BMP5: variants seen among roughly 807,000 people sequenced by gnomAD.
BMP5 encodes bone morphogenetic protein 5.
A neutral mutation model predicts 46.6 loss-of-function variants in BMP5; 23 were observed. The observed-to-expected ratio is 0.49, with a 90% confidence interval of 0.35 to 0.70. The LOEUF (loss-of-function observed/expected upper bound fraction) is 0.70. BMP5 is among the 30% of genes least tolerant of loss of function. BMP5 has a pLI of 0.00. For missense variants in BMP5, 545 were observed against 565.6 expected, an observed-to-expected ratio of 0.96 and a Z score of 0.37; for synonymous variants, 204 against 191.9, an observed-to-expected ratio of 1.06 and a Z score of -0.52.
At chr6:55,782,631 GTTAC>G (rs1425981302) in intron 3 of BMP5, among the ~76,000 whole-genome samples, 2 of 152,082 alleles carry the variant, frequency 1.3e-5, no homozygotes, top group Non-Finnish European at 2.9e-5. Context: ...TATCAGTTGT[GTTAC>G]TTCAGAGAAA....
chr6:55,858,235 T>C lies in BMP5; in HGVS notation c.490+16141A>G, dbSNP rs1777446483. On this transcript the variant is annotated intron_variant, in intron 1 of 6. Coordinates refer to ENST00000370830, the MANE Select transcript of BMP5 (RefSeq NM_021073.4). ...CTTGAATATTATAAACACCTCATTCTTCTCAATTTTTTTTCAGCAATTACC... is the reference window on the plus strand; with the variant it reads ...CTTGAATATTATAAACACCTCATTCCTCTCAATTTTTTTTCAGCAATTACC... Among the ~76,000 whole-genome samples, 3 of 152,240 alleles carry C rather than the reference T, an allele frequency of 2.0e-5. No individual in the cohort carries two copies. In the South Asian group the frequency reaches 6.2e-4, roughly 31 times the overall value.
At chr6:55,806,062 CTTTAG>C (rs1315863687) in intron 2 of BMP5, among the ~76,000 whole-genome samples, 1 of 152,092 alleles carries the variant, frequency 6.6e-6, no homozygotes, top group Non-Finnish European at 1.5e-5. Context: ...TGCAGAAGCT[CTTTAG>C]TTTAATTAGA....
intron 4 of BMP5, among the ~76,000 whole-genome samples, chr6:55,766,423 C>T (rs1774917847): frequency 6.6e-6 from 1 of 152,008 alleles, no homozygotes; most frequent in Admixed American, 6.6e-5. Flanking sequence ...CTTTTCCCTA[C>T]ACATTCCACT....
At position 55,805,429 on chromosome 6, in the gene BMP5, G is replaced by A. The variant is rs1002106966; in HGVS notation, c.684-11002C>T. ...CAGATTCATCCATGTCCCTGCAAAG[G>A]ACATGATCTCATTCCTTTTTATGGC... On this transcript the variant is annotated intron_variant, in intron 2 of 6. Transcript: ENST00000370830. Among the ~76,000 whole-genome samples, 4 of 152,208 alleles carry A rather than the reference G, an allele frequency of 2.6e-5. No homozygotes were observed. The South Asian group carries it at 6.2e-4, about 24-fold the overall frequency.
In BMP5 at chr6:55,796,460, T is replaced by C. The variant is rs1193288530; in HGVS notation, c.684-2033A>G. Among the ~76,000 whole-genome samples the C allele has an allele frequency of 1.3e-5, 2 of 151,840 alleles. 1 individual carries two copies. Among genetic ancestry groups the C allele is most frequent in the South Asian group, 4.1e-4 (2 of 4,820 alleles). On this transcript the variant is annotated intron_variant, in intron 2 of 6. Transcript: ENST00000370830. ...AGGAGACAGTTCCAGTTTAAATGTA[T>C]ATATATATATTTTTTTCTTATGGAA...
At chr6:55,764,390 G>C (rs773519056) in intron 4 of BMP5, among the ~76,000 whole-genome samples, 3 of 151,990 alleles carry the variant, frequency 2.0e-5, no homozygotes, top group Non-Finnish European at 4.4e-5. Context: ...TGGCTAACAC[G>C]GTGAAACCCC....
At chr6:55,791,141 T>C (rs1349239452) in intron 3 of BMP5, among the ~76,000 whole-genome samples, 1 of 152,020 alleles carries the variant, frequency 6.6e-6, no homozygotes, top group East Asian at 1.9e-4. Flanking sequence ...CTGTCTGCTC[T>C]GAAGCAATGT....
intron 1 of BMP5, among the ~76,000 whole-genome samples, chr6:55,825,870 G>A (rs939006221): frequency 1.6e-4 from 25 of 151,798 alleles, no homozygotes; most frequent in African/African-American, 6.0e-4. Flanking sequence ...GGCAAAGATA[G>A]CATTCTCCCA....
intron 1 of BMP5, among the ~76,000 whole-genome samples, chr6:55,869,051 C>G (rs1269617302): frequency 1.3e-5 from 2 of 152,144 alleles, no homozygotes; most frequent in African/African-American, 4.8e-5. Context: ...GATCTCAGCC[C>G]CTCTCCTGTG....
chr6:55,800,362 T>C lies in BMP5; in HGVS notation c.684-5935A>G, dbSNP rs79002607. Among the ~76,000 whole-genome samples the C allele has an allele frequency of 9.2e-5, 14 of 152,316 alleles. No homozygotes were observed. The South Asian group carries it at 2.9e-3, about 32-fold the overall frequency. ...ATATGTATGCGAAATATTAACAAAC[T>C]ATTATAGTTTTGTCTATTTTAAGTG... On this transcript the variant is annotated intron_variant, in intron 2 of 6. Coordinates refer to ENST00000370830, the MANE Select transcript of BMP5 (RefSeq NM_021073.4).
At chr6:55,831,442 C>T (rs2127542282) in intron 1 of BMP5, among the ~76,000 whole-genome samples, 1 of 152,046 alleles carries the variant, frequency 6.6e-6, no homozygotes, top group South Asian at 2.1e-4. Flanking sequence ...CTATATTATC[C>T]TTTAAGGGCT....
intron 1 of BMP5, among the ~76,000 whole-genome samples, chr6:55,848,947 A>C (rs1344326295): frequency 6.6e-6 from 1 of 152,052 alleles, no homozygotes; most frequent in Non-Finnish European, 1.5e-5. Flanking sequence ...GAGAATAAAC[A>C]CACTTCATCT....
At chr6:55,852,222 A>G (rs922132118) in intron 1 of BMP5, among the ~76,000 whole-genome samples, 5 of 152,062 alleles carry the variant, frequency 3.3e-5, no homozygotes, top group African/African-American at 1.2e-4. Context: ...TTGGTAGGAA[A>G]ATTACTAAAC....
intron 6 of BMP5, among the ~76,000 whole-genome samples, chr6:55,758,038 TAA>T (rs1188394877): frequency 6.6e-6 from 1 of 151,946 alleles, no homozygotes; most frequent in Non-Finnish European, 1.5e-5. Flanking sequence ...TCACAAATTC[TAA>T]GAGTAATTCT....
chr6:55,755,560 C>A lies in BMP5; in HGVS notation c.1338G>T (p.Met446Ile). Residue 446 changes from methionine to isoleucine, a missense_variant, in exon 7 of 7, where the codon ATG (methionine) becomes ATT (isoleucine). Met to Ile is a conservative substitution (Grantham distance 10). Transcript: ENST00000370830. Reference protein sequence around the residue: ...SNVILKKYRNMVVRSCGCH With the variant: ...SNVILKKYRNIVVRSCGCH ...AGTGGCAGCCACATGAGCGTACTACCATATTTCTATATTTTTTCAAAATGA... is the reference window on the plus strand; with the variant it reads ...AGTGGCAGCCACATGAGCGTACTACAATATTTCTATATTTTTTCAAAATGA... The A allele has an allele frequency of 1.2e-6, 2 of 1,610,922 alleles. No homozygotes were observed. The highest frequency in any genetic ancestry group is 1.7e-6 in the Non-Finnish European group (2 of 1,177,912).
In BMP5 at chr6:55,875,365, GT is replaced by G. The variant is rs1777882866; in HGVS notation, c.-501del. On this transcript the variant is annotated 5_prime_UTR_variant, in exon 1 of 7. It introduces an in-frame stop codon into an upstream open reading frame of the 5' UTR. Coordinates refer to ENST00000370830, the MANE Select transcript of BMP5 (RefSeq NM_021073.4). ...GATCTATGCTGATCTGCACCTTGGT[GT>G]TGGAATATATATCTGTCCGGCAGCT... The G allele has an allele frequency of 1.2e-5, 2 of 167,266 alleles. No homozygotes were observed. Among genetic ancestry groups the G allele is most frequent in the Admixed American group, 5.6e-5 (1 of 17,796 alleles). 10.4% of individuals were successfully genotyped at this position (167,266 alleles called of 1,614,324 possible).
chr6:55,782,286 TAA>T (rs926274446), intron 3 of BMP5, among the ~76,000 whole-genome samples: 6 of 152,196 alleles, frequency 3.9e-5, no homozygotes, highest in African/African-American at 1.2e-4. Context: ...AAAGTAAATT[TAA>T]AAATGTGGAG....
intron 1 of BMP5, among the ~76,000 whole-genome samples, chr6:55,837,001 G>A (rs1345945910): frequency 6.6e-6 from 1 of 151,896 alleles, no homozygotes; most frequent in Non-Finnish European, 1.5e-5. Context: ...GGTATTGAAA[G>A]TATGGGAAGA....
chr6:55,833,335 G>A (rs971546373), intron 1 of BMP5, among the ~76,000 whole-genome samples: 1 of 152,162 alleles, frequency 6.6e-6, no homozygotes, highest in Non-Finnish European at 1.5e-5. Context: ...CCCTTGATGT[G>A]TGTTCACAGC....
Sources: allele counts gnomAD v4.1 joint callset (sites outside exome capture counted in the v4.1 genomes callset), GRCh38; gene constraint gnomAD v4.1.1; transcripts MANE v1.5; gene names NCBI Gene and HGNC (gene_info 2026-07-23, HGNC 2026-07-21).